Variants in PLCH1 observed in about 807,000 individuals in gnomAD.
The protein encoded by PLCH1 is 1-phosphatidylinositol 4,5-bisphosphate phosphodiesterase eta-1.
A neutral mutation model predicts 126.7 loss-of-function variants in PLCH1; 60 were observed. The ratio of observed to expected loss-of-function variants is 0.47; its 90% CI spans 0.38 to 0.59. The LOEUF is 0.59. PLCH1 is among the 20% of genes least tolerant of loss of function. The pLI is 0.00. For missense variants in PLCH1, 1,723 were observed against 2,040.0 expected (o/e 0.84, Z 2.99); for synonymous variants, 719 against 734.9 (o/e 0.98, Z 0.35).
intron 2 of PLCH1, among the ~76,000 whole-genome samples, chr3:155,669,423 C>G (rs1743163338): frequency 6.6e-6 from 1 of 151,964 alleles, no homozygotes; most frequent in African/African-American, 2.4e-5. Flanking sequence ...TAAAAAAATA[C>G]AAAAATTAGC....
At chr3:155,708,445 G>A (rs1746851302) in intron 1 of PLCH1, among the ~76,000 whole-genome samples, 1 of 152,162 alleles carries the variant, frequency 6.6e-6, no homozygotes, top group Non-Finnish European at 1.5e-5. Flanking sequence ...GAAGGAAACT[G>A]AGGCCCAGAA....
intron 12 of PLCH1, among the ~76,000 whole-genome samples, chr3:155,513,502 G>T (rs1719892599): frequency 6.6e-6 from 1 of 152,116 alleles, no homozygotes; most frequent in Admixed American, 6.6e-5. Context: ...GAAGTAACTG[G>T]CCCAGATAAG....
chr3:155,452,062 T>G (rs1297041445), intron 21 of PLCH1, among the ~76,000 whole-genome samples: 1 of 152,196 alleles, frequency 6.6e-6, no homozygotes, highest in Non-Finnish European at 1.5e-5. Flanking sequence ...ACTGGCCCTA[T>G]GTATTAGTCT....
intron 2 of PLCH1, among the ~76,000 whole-genome samples, chr3:155,622,707 A>G (rs933608382): frequency 3.3e-5 from 5 of 152,200 alleles, no homozygotes; most frequent in Non-Finnish European, 7.3e-5. Context: ...CAACAAGAAG[A>G]GCTATCTATC....
Position 155,586,048 on chromosome 3 carries a change from A to G in PLCH1, c.600+17T>C. On this transcript the variant is annotated intron_variant, in intron 5 of 22. Transcript: ENST00000460012. Reference sequence around the variant, plus strand: ...CTGTGTATTTTATATAAGGCCAGTGAAATTGTGAAAACTTACCTGAAACAT... The same window carrying G: ...CTGTGTATTTTATATAAGGCCAGTGGAATTGTGAAAACTTACCTGAAACAT... 6.2e-7 allele frequency: 1 copy of G among 1,612,482 alleles called. No homozygotes were observed. Among genetic ancestry groups the G allele is most frequent in the South Asian group, 1.1e-5 (1 of 91,034 alleles).
intron 2 of PLCH1, among the ~76,000 whole-genome samples, chr3:155,625,654 G>A (rs904185544): frequency 5.9e-5 from 9 of 152,204 alleles, no homozygotes; most frequent in Non-Finnish European, 1.3e-4. Flanking sequence ...TTAGAGAAAT[G>A]CAAATCAAGA....
intron 21 of PLCH1, among the ~76,000 whole-genome samples, chr3:155,463,940 A>G (rs939992100): frequency 1.3e-5 from 2 of 152,196 alleles, no homozygotes; most frequent in Admixed American, 6.5e-5. Context: ...TCATCAGTTT[A>G]TCAGATGTTT....
intron 18 of PLCH1, 84 bp from the exon 19 acceptor site, chr3:155,490,952 C>A: frequency 1.3e-6 from 1 of 754,422 alleles, no homozygotes; most frequent in South Asian, 1.7e-5. Context: ...GCCAAAATGT[C>A]TACATTTCGA....
intron 2 of PLCH1, among the ~76,000 whole-genome samples, chr3:155,674,647 T>C (rs1376822121): frequency 1.3e-5 from 2 of 152,102 alleles, no homozygotes; most frequent in Admixed American, 1.3e-4. Flanking sequence ...TTAAATAAAA[T>C]ATGAAATATT....
intron 2 of PLCH1, among the ~76,000 whole-genome samples, chr3:155,690,413 A>G (rs358912): frequency 0.16 from 24,187 of 152,236 alleles, 2,405 homozygotes; most frequent in East Asian, 0.43. Flanking sequence ...CAAAAATTTC[A>G]TAAGTGTCCT....
chr3:155,661,744 G>C (rs1742177077), intron 2 of PLCH1, among the ~76,000 whole-genome samples: 1 of 152,094 alleles, frequency 6.6e-6, no homozygotes, highest in African/African-American at 2.4e-5. Context: ...ATAACCCACA[G>C]AGTTATGCAC....
chr3:155,561,210 C>T (rs1273420636), intron 8 of PLCH1, among the ~76,000 whole-genome samples: 1 of 151,292 alleles, frequency 6.6e-6, no homozygotes, highest in Non-Finnish European at 1.5e-5. Context: ...TATACATGTG[C>T]CATGCTGGTG....
At chr3:155,651,702 T>C (rs1361889828) in intron 2 of PLCH1, among the ~76,000 whole-genome samples, 4 of 152,194 alleles carry the variant, frequency 2.6e-5, no homozygotes, top group Admixed American at 2.6e-4. Context: ...CAGATAGCTT[T>C]CTGTTTCAAT....
At chr3:155,620,827 G>C (rs1183181394) in intron 2 of PLCH1, among the ~76,000 whole-genome samples, 1 of 147,716 alleles carries the variant, frequency 6.8e-6, no homozygotes, top group Non-Finnish European at 1.5e-5. Context: ...GGCAGCTGTG[G>C]GCGCAGCTTC....
intron 6 of PLCH1, among the ~76,000 whole-genome samples, chr3:155,580,227 C>T (rs1452929217): frequency 6.6e-6 from 1 of 151,988 alleles, no homozygotes; most frequent in Non-Finnish European, 1.5e-5. Context: ...GTTTCAAAAG[C>T]CATGAAAATA....
intron 3 of PLCH1, among the ~76,000 whole-genome samples, chr3:155,594,656 T>C (rs948528377): frequency 3.9e-5 from 6 of 152,154 alleles, no homozygotes; most frequent in African/African-American, 1.4e-4. Context: ...CCAGGCCCTG[T>C]TTTTTCCCAC....
At chr3:155,510,285 C>T (rs1412795606) in intron 12 of PLCH1, among the ~76,000 whole-genome samples, 1 of 100,432 alleles carries the variant, frequency 1.0e-5, no homozygotes, top group Non-Finnish European at 1.9e-5. Flanking sequence ...ATACAGCACA[C>T]TGATGGGTCT....
chr3:155,708,919 C>G (rs1416828221), intron 1 of PLCH1, among the ~76,000 whole-genome samples: 1 of 152,154 alleles, frequency 6.6e-6, no homozygotes, highest in African/African-American at 2.4e-5. Flanking sequence ...GCCCTAAAGT[C>G]TGCTATGCTC....
chr3:155,695,826 T>C (rs1375043029), intron 2 of PLCH1, among the ~76,000 whole-genome samples: 1 of 152,214 alleles, frequency 6.6e-6, no homozygotes, highest in East Asian at 1.9e-4. Flanking sequence ...ATTGAAAGGA[T>C]GTGTTCGAAG....
Sources: gnomAD v4.1 joint callset for allele counts (sites outside exome capture counted in the v4.1 genomes callset) on GRCh38, gnomAD v4.1.1 for gene constraint, MANE v1.5 for transcripts, NCBI Gene and HGNC (gene_info 2026-07-23, HGNC 2026-07-21) for gene names.